EBF2: variants seen among roughly 807,000 people sequenced by gnomAD.
EBF2 encodes the protein transcription factor COE2.
EBF2 carries 21 observed loss-of-function variants against 72.8 expected under a neutral mutation model. The ratio of observed to expected loss-of-function variants is 0.29; its 90% confidence interval spans 0.20 to 0.42. EBF2 has a LOEUF of 0.42. Ranked by LOEUF, EBF2 falls within the 10% of genes least tolerant of loss-of-function variation. The probability of loss-of-function intolerance (pLI) is 1.00; values close to 1 mark genes in which losing one functional copy is unlikely to be tolerated. For missense variants in EBF2, 637 were observed against 731.2 expected, an observed-to-expected ratio of 0.87 and a Z score of 1.49; for synonymous variants, 299 against 274.2, an observed-to-expected ratio of 1.09 and a Z score of -0.89.
In EBF2 at chr8:26,042,176, G is replaced by A. The variant is rs537378469; in HGVS notation, c.207C>T (p.Phe69=). 2.5e-6 allele frequency: 4 copies of A among 1,614,088 alleles called. No homozygotes were observed. The highest frequency in any genetic ancestry group is 2.2e-5 in the South Asian group (2 of 91,086). ...CCTGCCTGTCATAGAGCGCCAGGAC[G>A]AAGTGAAAGAAGTTGGATTTCCTCA... ...SNLRKSNFFH[F]VLALYDRQGQ... The change falls in exon 2 of 16, where the codon TTC becomes TTT. Residue 69 remains phenylalanine, a synonymous_variant. Transcript: ENST00000520164.
chr8:25,850,777 A>C lies in EBF2; in HGVS notation c.1529-16T>G. On this transcript the variant is annotated splice_polypyrimidine_tract_variant and intron_variant, in intron 14 of 15. Transcript: ENST00000520164. ...GATGACATGACTGGAAAGCAAATGC[A>C]CAATCCTCATTTAGAAATTAAGATC... 1 of 1,550,426 alleles carries C rather than the reference A, an allele frequency of 6.4e-7. No homozygotes were observed. Among genetic ancestry groups the C allele is most frequent in the Non-Finnish European group, 8.6e-7 (1 of 1,157,324 alleles).
At chr8:26,010,122 G>T (rs1021109199) in intron 6 of EBF2, among the ~76,000 whole-genome samples, 1 of 152,198 alleles carries the variant, frequency 6.6e-6, no homozygotes, top group Non-Finnish European at 1.5e-5. Context: ...AGGTCATGGA[G>T]TCCTCCTGTC....
At chr8:25,969,067 AG>A (rs778931533) in intron 6 of EBF2, among the ~76,000 whole-genome samples, 4 of 152,216 alleles carry the variant, frequency 2.6e-5, no homozygotes, top group Non-Finnish European at 5.9e-5. Context: ...ACAATCAGAA[AG>A]TCCCCTTCAA....
chr8:25,988,634 C>A (rs1477889096), intron 6 of EBF2, among the ~76,000 whole-genome samples: 2 of 152,136 alleles, frequency 1.3e-5, no homozygotes, highest in East Asian at 3.9e-4. Context: ...GTAATGTGAT[C>A]TAATCCAGCC....
chr8:25,946,448 T>C (rs1303601622), intron 6 of EBF2, among the ~76,000 whole-genome samples: 1 of 152,224 alleles, frequency 6.6e-6, no homozygotes. Context: ...CTCCAAGTTT[T>C]CCCAGCAGTC....
rs184377010 is a variant in EBF2, at chr8:25,981,242, T to C, written c.551+51843A>G. Among the ~76,000 whole-genome samples the C allele has an allele frequency of 1.6e-3, 248 of 152,204 alleles. 2 individuals carry two copies. The highest frequency in any genetic ancestry group is 5.6e-3 in the African/African-American group (234 of 41,558). On this transcript the variant is annotated intron_variant, in intron 6 of 15. Transcript: ENST00000520164. ...TGCATTTTTTTCATCTCCTTGCTTCTAACTTCTAAGCAACAGGAGTGGCCT... is the reference window on the plus strand; with the variant it reads ...TGCATTTTTTTCATCTCCTTGCTTCCAACTTCTAAGCAACAGGAGTGGCCT...
At chr8:25,909,370 G>A (rs1803089359) in intron 6 of EBF2, among the ~76,000 whole-genome samples, 2 of 150,202 alleles carry the variant, frequency 1.3e-5, no homozygotes, top group South Asian at 4.2e-4. Flanking sequence ...AATACAGTAA[G>A]TTTTTCATTT....
chr8:26,017,952 G>A (rs1056874655), intron 6 of EBF2, among the ~76,000 whole-genome samples: 2 of 151,940 alleles, frequency 1.3e-5, no homozygotes, highest in African/African-American at 2.4e-5. Context: ...CCCAACTTTC[G>A]CACCAAGGCT....
chr8:26,042,724 T>A lies in EBF2; in HGVS notation c.132-473A>T, dbSNP rs1214029124. ...TTTGCTTTGGAAGAAGCGACCCTTTTATTTAGTATTAATTCGAGTTATCAG... is the reference window on the plus strand; with the variant it reads ...TTTGCTTTGGAAGAAGCGACCCTTTAATTTAGTATTAATTCGAGTTATCAG... On this transcript the variant is annotated intron_variant, in intron 1 of 15. Transcript: ENST00000520164. 5.3e-5 allele frequency among the ~76,000 whole-genome samples: 8 copies of A among 152,278 alleles called. 1 individual carries two copies. In the Middle Eastern group the frequency reaches 0.02, roughly 388 times the overall value.
At chr8:25,876,898 A>G (rs1802530188) in intron 10 of EBF2, among the ~76,000 whole-genome samples, 1 of 152,222 alleles carries the variant, frequency 6.6e-6, no homozygotes, top group Non-Finnish European at 1.5e-5. Flanking sequence ...GCCTTGCCTT[A>G]CGTGCTTAAT....
At chr8:25,945,427 T>C (rs1803750592) in intron 6 of EBF2, among the ~76,000 whole-genome samples, 1 of 151,954 alleles carries the variant, frequency 6.6e-6, no homozygotes, top group Admixed American at 6.6e-5. Flanking sequence ...TTTCTATATT[T>C]TTTTCTCTGG....
chr8:25,944,648 G>A (rs2117161399), intron 6 of EBF2, among the ~76,000 whole-genome samples: 1 of 145,976 alleles, frequency 6.9e-6, no homozygotes, highest in African/African-American at 2.5e-5. Flanking sequence ...AATTATATAT[G>A]ATATTAACAT....
At chr8:25,927,959 G>C (rs549259831) in intron 6 of EBF2, among the ~76,000 whole-genome samples, 2 of 152,064 alleles carry the variant, frequency 1.3e-5, no homozygotes, top group Non-Finnish European at 2.9e-5. Flanking sequence ...AGCCCAGAAT[G>C]TATTTACTCC....
At chr8:25,906,388 A>C (rs534498163) in intron 7 of EBF2, among the ~76,000 whole-genome samples, 2 of 152,158 alleles carry the variant, frequency 1.3e-5, no homozygotes, top group Non-Finnish European at 2.9e-5. Flanking sequence ...TTTATTTGGA[A>C]TATTGAGCAC....
chr8:25,955,282 G>A (rs145257221), intron 6 of EBF2, among the ~76,000 whole-genome samples: 1 of 152,334 alleles, frequency 6.6e-6, no homozygotes, highest in East Asian at 1.9e-4. Flanking sequence ...AGTTAATTCT[G>A]GGGGTATAAG....
Position 25,903,188 on chromosome 8 carries a change from T to G in EBF2, c.633+5286A>C, listed in dbSNP as rs994077328. Among the ~76,000 whole-genome samples, 23 of 84,602 alleles carry G rather than the reference T, an allele frequency of 2.7e-4. No individual in the cohort carries two copies. In the East Asian group the frequency reaches 5.0e-3, roughly 18 times the overall value. 55.5% of individuals were successfully genotyped at this position (84,602 alleles called of 152,430 possible). On this transcript the variant is annotated intron_variant, in intron 7 of 15. Coordinates refer to ENST00000520164, the MANE Select transcript of EBF2 (RefSeq NM_022659.4). ...GCATCCTCATGACATTTTGTCTGGG[T>G]TTTTTTTTTTTTTTTTTTCCTTTTT... is the stretch of plus-strand genomic sequence containing the variant.
intron 6 of EBF2, among the ~76,000 whole-genome samples, chr8:25,968,306 G>A (rs1047995165): frequency 5.3e-5 from 8 of 151,878 alleles, no homozygotes; most frequent in Non-Finnish European, 1.5e-5. Context: ...ACAGATGAAA[G>A]GATAGAAAAA....
chr8:25,926,506 T>C (rs952826691), intron 6 of EBF2, among the ~76,000 whole-genome samples: 2 of 152,210 alleles, frequency 1.3e-5, no homozygotes, highest in South Asian at 4.1e-4. Flanking sequence ...ATCGGTTTTA[T>C]ACTTCGACAA....
At chr8:25,907,754 G>T (rs1334847198) in intron 7 of EBF2, among the ~76,000 whole-genome samples, 1 of 152,182 alleles carries the variant, frequency 6.6e-6, no homozygotes, top group Non-Finnish European at 1.5e-5. Flanking sequence ...CTATGGAAAA[G>T]GAGGTGCCAC....
Sources: allele counts gnomAD v4.1 joint callset (sites outside exome capture counted in the v4.1 genomes callset), GRCh38; gene constraint gnomAD v4.1.1; transcripts MANE v1.5; gene names NCBI Gene and HGNC (gene_info 2026-07-23, HGNC 2026-07-21).